The following WWOX variants were observed in gnomAD, a reference collection of about 807,000 sequenced individuals.
WWOX encodes the protein WW domain containing oxidoreductase.
A neutral mutation model predicts 46.2 loss-of-function variants in WWOX; 69 were observed. That is an observed-to-expected ratio of 1.49 (90% CI 1.23 to 1.82). WWOX has a LOEUF of 1.82. Ranked by LOEUF, WWOX falls within the 40% of genes most tolerant of loss-of-function variation. The probability of loss-of-function intolerance (pLI) is 0.00; values close to 1 mark genes in which losing one functional copy is unlikely to be tolerated. For synonymous variants in WWOX, 359 were observed against 202.6 expected (o/e 1.77, Z -6.56); for missense variants, 919 against 542.6 (o/e 1.69, Z -6.89).
chr16:79,009,300 C>T (rs1380330628), intron 8 of WWOX, among the ~76,000 whole-genome samples: 1 of 152,144 alleles, frequency 6.6e-6, no homozygotes, highest in African/African-American at 2.4e-5. Context: ...TGAAGGGGCG[C>T]TTTCTGGAAT....
rs1042032890 is a variant in WWOX, at chr16:78,988,027, A to C, written c.1057-223581A>C. 2.6e-5 allele frequency among the ~76,000 whole-genome samples: 4 copies of C among 152,128 alleles called. No individual in the cohort carries two copies. In the East Asian group the frequency reaches 7.7e-4, roughly 29 times the overall value. On this transcript the variant is annotated intron_variant, in intron 8 of 8. Transcript: ENST00000566780. ...CTATTTTATAAAGGGGGGGTGGTCA[A>C]GGTGTAGGGAAACATAAAAGAGAGC...
intron 8 of WWOX, among the ~76,000 whole-genome samples, chr16:78,778,837 C>G (rs1345141624): frequency 6.6e-6 from 1 of 152,140 alleles, no homozygotes; most frequent in African/African-American, 2.4e-5. Context: ...CTCGTAAAGC[C>G]CCGGCGTCTC....
At chr16:79,198,929 C>T (rs1298373298) in intron 8 of WWOX, among the ~76,000 whole-genome samples, 2 of 152,294 alleles carry the variant, frequency 1.3e-5, no homozygotes, top group South Asian at 2.1e-4. Context: ...TGGACATGTT[C>T]CTATTTATCA....
chr16:79,094,935 G>A (rs552067758), intron 8 of WWOX, among the ~76,000 whole-genome samples: 16 of 152,084 alleles, frequency 1.1e-4, no homozygotes, highest in South Asian at 2.1e-4. Context: ...TTACTGCTGA[G>A]GGGATTTGCC....
At position 78,333,043 on chromosome 16, in the gene WWOX, CTTTTTTTTTTTT is replaced by C. The variant is rs11289222; in HGVS notation, c.517-53804_517-53793del. Among the ~76,000 whole-genome samples, 20 of 57,124 alleles carry C rather than the reference CTTTTTTTTTTTT, an allele frequency of 3.5e-4. 1 individual carries two copies. The South Asian group carries it at 0.013, about 38-fold the overall frequency. 37.5% of individuals were successfully genotyped at this position (57,124 alleles called of 152,430 possible). A position where few individuals can be genotyped will look rare whatever the true frequency, so the allele number is the denominator to read the frequency against. On this transcript the variant is annotated intron_variant, in intron 5 of 8. Coordinates refer to ENST00000566780, the MANE Select transcript of WWOX (RefSeq NM_016373.4). ...CTGAGTAGCATGGAAGAGCATTATA[CTTTTTTTTTTTT>C]TTTTTTTTTTTTGAGACAGAGTCTA...
intron 4 of WWOX, chr16:78,123,555 T>G (rs960520174): frequency 3.4e-5 from 5 of 146,892 alleles, no homozygotes; most frequent in African/African-American, 1.3e-4. Flanking sequence ...CCTCCCAGGT[T>G]GAAGCAATTC....
At chr16:78,805,490 A>T (rs1237957380) in intron 8 of WWOX, among the ~76,000 whole-genome samples, 2 of 151,162 alleles carry the variant, frequency 1.3e-5, no homozygotes, top group African/African-American at 4.9e-5. Context: ...TCACAGTGTT[A>T]TGCAGGATGG....
chr16:79,027,106 C>G (rs533117514), intron 8 of WWOX, among the ~76,000 whole-genome samples: 6 of 150,854 alleles, frequency 4.0e-5, no homozygotes, highest in Admixed American at 3.9e-4. Flanking sequence ...ATGGTGAGAC[C>G]CCATCTCTAC....
intron 8 of WWOX, among the ~76,000 whole-genome samples, chr16:78,954,811 A>G (rs190121423): frequency 3.2e-4 from 49 of 152,178 alleles, no homozygotes; most frequent in Admixed American, 7.2e-4. Context: ...GTTTTTTGAG[A>G]CAGAGTCTCG....
chr16:78,139,207 G>A (rs1356172595), intron 4 of WWOX, among the ~76,000 whole-genome samples: 3 of 152,186 alleles, frequency 2.0e-5, no homozygotes, highest in African/African-American at 7.2e-5. Flanking sequence ...CTATCTAGGA[G>A]AGAGATAATC....
intron 8 of WWOX, among the ~76,000 whole-genome samples, chr16:78,593,926 G>C (rs1481931315): frequency 3.3e-5 from 5 of 152,164 alleles, no homozygotes; most frequent in African/African-American, 1.2e-4. Context: ...ATTGGAGTTG[G>C]AGGAGGATGA....
chr16:78,401,008 C>A (rs77704447), intron 6 of WWOX, among the ~76,000 whole-genome samples: 1 of 152,028 alleles, frequency 6.6e-6, no homozygotes. Flanking sequence ...TTTGTAGAGA[C>A]GAGGTCTCCT....
intron 5 of WWOX, among the ~76,000 whole-genome samples, chr16:78,164,925 C>G (rs1048058582): frequency 2.0e-5 from 3 of 152,166 alleles, no homozygotes; most frequent in Admixed American, 6.5e-5. Context: ...AGGGAGCCTT[C>G]CAAAGTTGTG....
intron 8 of WWOX, among the ~76,000 whole-genome samples, chr16:78,906,212 A>G (rs762045015): frequency 1.3e-5 from 2 of 152,182 alleles, no homozygotes; most frequent in Non-Finnish European, 2.9e-5. Context: ...GTGGTGAGTT[A>G]TCTCCCTGGG....
intron 5 of WWOX, among the ~76,000 whole-genome samples, chr16:78,287,824 ATAAT>A (rs1414195051): frequency 1.3e-5 from 2 of 152,166 alleles, no homozygotes; most frequent in Admixed American, 6.5e-5. Flanking sequence ...CAATTATGTA[ATAAT>A]TAGCCACAAA....
At chr16:78,850,869 A>G (rs891051506) in intron 8 of WWOX, among the ~76,000 whole-genome samples, 3 of 152,192 alleles carry the variant, frequency 2.0e-5, no homozygotes, top group African/African-American at 4.8e-5. Context: ...ACTTGGTGCC[A>G]TATTGGCTCA....
intron 8 of WWOX, chr16:78,892,051 G>C (rs190154993): frequency 6.6e-6 from 1 of 152,238 alleles, no homozygotes; most frequent in East Asian, 1.9e-4. Flanking sequence ...AAGTGTGTCT[G>C]ATAAAATGGG....
chr16:78,393,320 C>G (rs1776626457), intron 6 of WWOX, among the ~76,000 whole-genome samples: 1 of 152,160 alleles, frequency 6.6e-6, no homozygotes, highest in Non-Finnish European at 1.5e-5. Context: ...GAAGAGTTAA[C>G]AGCTCCTAGA....
chr16:78,344,458 C>G lies in WWOX; in HGVS notation c.517-42402C>G, dbSNP rs183935666. ...GGAATTACCACGAGGAACCTGTTCT[C>G]TTATGTTTCTGCTTAGATGGCTGGG... On this transcript the variant is annotated intron_variant, in intron 5 of 8. Transcript: ENST00000566780. Among the ~76,000 whole-genome samples the G allele has an allele frequency of 6.5e-4, 79 of 121,610 alleles. 29 individuals are homozygous for G. The highest frequency in any genetic ancestry group is 1.2e-3 in the Non-Finnish European group (63 of 50,744). 79.8% of individuals were successfully genotyped at this position (121,610 alleles called of 152,430 possible).
Sources: gnomAD v4.1 joint callset for allele counts (sites outside exome capture counted in the v4.1 genomes callset) on GRCh38, gnomAD v4.1.1 for gene constraint, MANE v1.5 for transcripts, NCBI Gene and HGNC (gene_info 2026-07-23, HGNC 2026-07-21) for gene names.